BLCAP: variants seen among roughly 807,000 people sequenced by gnomAD.
BLCAP encodes BLCAP apoptosis inducing factor.
Under a neutral mutation model 5.7 loss-of-function variants are expected in BLCAP, and 1 was observed. The ratio of observed to expected loss-of-function variants is 0.18; its 90% confidence interval spans 0.06 to 0.83. The LOEUF (loss-of-function observed/expected upper bound fraction) is 0.83. Ranked by LOEUF, BLCAP falls within the 40% of genes least tolerant of loss-of-function variation. The pLI, the probability that BLCAP is intolerant of heterozygous loss-of-function variation, is 0.71. For synonymous variants in BLCAP, 48 were observed against 49.4 expected (o/e 0.97, Z 0.11); for missense variants, 66 against 107.6 (o/e 0.61, Z 1.71).
rs927905456 is a variant in BLCAP at position 37,520,904 on chromosome 20, T to C, written c.-176-1554A>G. On this transcript the variant is annotated intron_variant, in intron 1 of 1. Transcript: ENST00000373537. ...TCCATCCCCAAGGTAGGCTTTGGAG[T>C]GGCACCGGAGACTGAGCTCAAATTT... Among the ~76,000 whole-genome samples the C allele has an allele frequency of 7.2e-5, 11 of 152,028 alleles. No individual in the cohort carries two copies. In the East Asian group the frequency reaches 2.1e-3, roughly 29 times the overall value.
chr20:37,526,295 C>CCCCCCG (rs2071719819), intron 1 of BLCAP, among the ~76,000 whole-genome samples: 1 of 131,740 alleles, frequency 7.6e-6, no homozygotes, highest in Non-Finnish European at 1.6e-5. Flanking sequence ...CCCCCACCCC[C>CCCCCCG]CCTCAGAGAT....
intron 1 of BLCAP, chr20:37,523,585 T>C: frequency 6.5e-6 from 1 of 152,870 alleles, no homozygotes; most frequent in Admixed American, 6.5e-5. Context: ...AGCTAGATTG[T>C]AAGCTCCTGG....
intron 1 of BLCAP, chr20:37,522,566 G>A: frequency 7.3e-7 from 1 of 1,368,260 alleles, no homozygotes; most frequent in Non-Finnish European, 9.9e-7. Context: ...ACGCTGGATG[G>A]GCGGGCGGGG....
chr20:37,525,602 T>G (rs6090836), intron 1 of BLCAP, among the ~76,000 whole-genome samples: 2 of 152,146 alleles, frequency 1.3e-5, no homozygotes, highest in African/African-American at 4.8e-5. Flanking sequence ...CCCACAAAAC[T>G]TCATGTTCTG....
chr20:37,527,361 C>G (rs1278180608), intron 1 of BLCAP, among the ~76,000 whole-genome samples: 1 of 149,256 alleles, frequency 6.7e-6, no homozygotes, highest in African/African-American at 2.5e-5. Flanking sequence ...CCCCCCACCT[C>G]CCCCCCAAAA....
At chr20:37,527,598 A>G (rs2147198248) in intron 1 of BLCAP, 195 bp downstream of exon 1, 1 of 152,512 alleles carries the variant, frequency 6.6e-6, no homozygotes, top group Non-Finnish European at 1.5e-5. Flanking sequence ...GGGACCCCCC[A>G]AGGCCCAGGC....
In BLCAP at chr20:37,517,519, C is replaced by CA. The variant is rs1203626565; in HGVS notation, c.*1391dup. The CA allele has an allele frequency of 1.3e-5, 2 of 152,592 alleles. No homozygotes were observed. The highest frequency in any genetic ancestry group is 1.5e-5 in the Non-Finnish European group (1 of 68,066). The allele number at this position is 152,592 out of a possible 1,614,324, so 9.5% of individuals were successfully genotyped here. A position where few individuals can be genotyped will look rare whatever the true frequency, so the allele number is the denominator to read the frequency against. ...TCCAGACGTTTCACAAGTATGGCCTCACAGTCCCATTCCCTAGATGGACTG... is the reference window on the plus strand; with the variant it reads ...TCCAGACGTTTCACAAGTATGGCCTCAACAGTCCCATTCCCTAGATGGACTG... On this transcript the variant is annotated 3_prime_UTR_variant, in exon 2 of 2. Transcript: ENST00000373537.
rs574810343 is a variant in BLCAP, at chr20:37,527,867, A to G, written c.-251T>C. 1.3e-5 allele frequency: 2 copies of G among 152,514 alleles called. No individual in the cohort carries two copies. The highest frequency in any genetic ancestry group is 2.1e-4 in the South Asian group (1 of 4,832). The allele number at this position is 152,514 out of a possible 1,614,324, so 9.4% of individuals were successfully genotyped here. A position where few individuals can be genotyped will look rare whatever the true frequency, so the allele number is the denominator to read the frequency against. On this transcript the variant is annotated 5_prime_UTR_variant, in exon 1 of 2. Coordinates refer to ENST00000373537, the MANE Select transcript of BLCAP (RefSeq NM_006698.4). ...CTGCCTCCACCTCAGCTCGCCACCG[A>G]CGCCGCAGGAAGCCGGGGAGACGCC... is the stretch of plus-strand genomic sequence containing the variant.
intron 1 of BLCAP, chr20:37,520,403 G>T (rs539477387): frequency 1.3e-5 from 2 of 152,398 alleles, no homozygotes; most frequent in South Asian, 4.1e-4. Context: ...CAGCGCAACG[G>T]GTACAAAGAA....
chr20:37,524,958 A>C (rs6019103), intron 1 of BLCAP, among the ~76,000 whole-genome samples: 123,356 of 152,140 alleles, frequency 0.81, 50,425 homozygotes, highest in East Asian at 0.99. Flanking sequence ...AAACTGCCAT[A>C]GCAGTGGCAA....
In BLCAP at chr20:37,518,809, C is replaced by T. The variant is rs1272307686; in HGVS notation, c.*102G>A. ...CAAAAAGGCGCCGTCAGGAATGTGACACCCGCGAGGCTGCGGGATTTGAAA... is the reference window on the plus strand; with the variant it reads ...CAAAAAGGCGCCGTCAGGAATGTGATACCCGCGAGGCTGCGGGATTTGAAA... On this transcript the variant is annotated 3_prime_UTR_variant, in exon 2 of 2. Coordinates refer to ENST00000373537, the MANE Select transcript of BLCAP (RefSeq NM_006698.4). 10 of 1,482,792 alleles carry T rather than the reference C, an allele frequency of 6.7e-6. No homozygotes were observed. The highest frequency in any genetic ancestry group is 9.1e-6 in the Non-Finnish European group (10 of 1,104,968). 91.9% of individuals were successfully genotyped at this position (1,482,792 alleles called of 1,614,324 possible).
chr20:37,526,723 G>A (rs1489058345), intron 1 of BLCAP: 1 of 152,194 alleles, frequency 6.6e-6, no homozygotes, highest in African/African-American at 2.4e-5. Flanking sequence ...TTCAGATATG[G>A]AATTGACCTG....
Position 37,521,431 on chromosome 20 carries a change from G to C in BLCAP, c.-176-2081C>G. 1 of 1,610,758 alleles carries C rather than the reference G, an allele frequency of 6.2e-7. No homozygotes were observed. Among genetic ancestry groups the C allele is most frequent in the Non-Finnish European group, 8.5e-7 (1 of 1,176,912 alleles). On this transcript the variant is annotated intron_variant, in intron 1 of 1. Transcript: ENST00000373537. The surrounding 1 kb of genome is among the most constrained non-coding windows in gnomAD (Gnocchi z 4.5). ...AAGTCTGACGGGGTTTCGGGTGGGA[G>C]AGGGTTCCCAACTCGCGCCCCTAGA...
At position 37,521,694 on chromosome 20, in the gene BLCAP, A is replaced by G. The variant is rs562673461; in HGVS notation, c.-176-2344T>C. The stretch of plus-strand genomic sequence containing the variant: ...GGCATTTAGCGACCTACGCGGTAAG[A>G]AAAACCCGCTACACCCGGACTCGAC... On this transcript the variant is annotated intron_variant, in intron 1 of 1. Transcript: ENST00000373537. The surrounding 1 kb of genome is among the most constrained non-coding windows in gnomAD (Gnocchi z 4.5). The G allele has an allele frequency of 5.2e-4, 209 of 402,086 alleles. No homozygotes were observed. Among genetic ancestry groups the G allele is most frequent in the African/African-American group, 4.1e-3 (199 of 48,048 alleles). 24.9% of individuals were successfully genotyped at this position (402,086 alleles called of 1,614,324 possible). A position where few individuals can be genotyped will look rare whatever the true frequency, so the allele number is the denominator to read the frequency against.
At chr20:37,523,330 C>G (rs777716128) in intron 1 of BLCAP, 4 of 152,688 alleles carry the variant, frequency 2.6e-5, no homozygotes, top group Non-Finnish European at 5.9e-5. Flanking sequence ...TGCATTTGCT[C>G]TCTCGATTCC....
chr20:37,521,276 C>G lies in BLCAP; in HGVS notation c.-176-1926G>C. The G allele has an allele frequency of 1.3e-6, 2 of 1,565,894 alleles. No individual in the cohort carries two copies. Among genetic ancestry groups the G allele is most frequent in the Non-Finnish European group, 1.8e-6 (2 of 1,136,460 alleles). ...GTGCGCCCAACAGCGGACTCCGAGA[C>G]CAGCGGATCTCGGCAAACCCTCTTT... On this transcript the variant is annotated intron_variant, in intron 1 of 1. Transcript: ENST00000373537. This position sits in a 1 kb window ranked among gnomAD's most constrained non-coding sequence, Gnocchi z 4.5.
At chr20:37,519,404 CAAAAAAAAAAAAAAAAAAAGAAAA>C (rs1000075729) in intron 1 of BLCAP, 54 bp from the exon 2 acceptor site, 5 of 42,976 alleles carry the variant, frequency 1.2e-4, no homozygotes, top group Non-Finnish European at 1.7e-4. Context: ...GACAGACAGA[CAAAAAAAAAAAAAAAAAAAGAAAA>C]AAAAAAAAAA....
In BLCAP at chr20:37,518,869, C is replaced by T; in HGVS notation, c.*42G>A. The T allele has an allele frequency of 2.5e-6, 4 of 1,602,718 alleles. No individual in the cohort carries two copies. The highest frequency in any genetic ancestry group is 3.4e-6 in the Non-Finnish European group (4 of 1,174,868). ...TTTATGACCTATGTCAATGCCTCCC[C>T]TCCCGTCTTCTGCTTCCTTGGAAAG... On this transcript the variant is annotated 3_prime_UTR_variant, in exon 2 of 2. Transcript: ENST00000373537.
chr20:37,521,618 AG>A lies in BLCAP; in HGVS notation c.-176-2269del, dbSNP rs2071578276. The A allele has an allele frequency of 3.5e-6, 2 of 564,874 alleles. No individual in the cohort carries two copies. The highest frequency in any genetic ancestry group is 6.1e-5 in the East Asian group (2 of 32,818). The allele number at this position is 564,874 out of a possible 1,614,324, so 35.0% of individuals were successfully genotyped here. A position where few individuals can be genotyped will look rare whatever the true frequency, so the allele number is the denominator to read the frequency against. Reference sequence around the variant, plus strand: ...CCTCCCTAGTGCGCCCGCGCCTGCCAGGGAACAAAGACTCGGGGCGCGGCGG... The same window carrying A: ...CCTCCCTAGTGCGCCCGCGCCTGCCAGGAACAAAGACTCGGGGCGCGGCGG... On this transcript the variant is annotated intron_variant, in intron 1 of 1. Coordinates refer to ENST00000373537, the MANE Select transcript of BLCAP (RefSeq NM_006698.4). This position sits in a 1 kb window ranked among gnomAD's most constrained non-coding sequence, Gnocchi z 4.5.
Sources: gnomAD v4.1 joint callset for allele counts (sites outside exome capture counted in the v4.1 genomes callset) on GRCh38, gnomAD v4.1.1 for gene constraint, Gnocchi (gnomAD v3.1) non-coding constraint, MANE v1.5 for transcripts, NCBI Gene and HGNC (gene_info 2026-07-23, HGNC 2026-07-21) for gene names.